The following SESTD1 variants were observed in gnomAD, a reference collection of about 807,000 sequenced individuals.
SESTD1 encodes the protein SEC14 and spectrin domain containing 1, also known as SEC14 domain and spectrin repeat-containing protein 1.
A neutral mutation model predicts 101.7 loss-of-function variants in SESTD1; 43 were observed. That is an observed-to-expected ratio of 0.42 (90% CI 0.33 to 0.55). The LOEUF (loss-of-function observed/expected upper bound fraction) is 0.55. SESTD1 is among the 20% of genes least tolerant of loss of function. The pLI, the probability that SESTD1 is intolerant of heterozygous loss-of-function variation, is 0.07. For synonymous variants in SESTD1, 283 were observed against 286.8 expected (o/e 0.99, Z 0.13); for missense variants, 647 against 815.1 (o/e 0.79, Z 2.51).
chr2:179,261,048 C>A (rs2105563630), intron 1 of SESTD1, among the ~76,000 whole-genome samples: 1 of 152,294 alleles, frequency 6.6e-6, no homozygotes, highest in East Asian at 1.9e-4. Context: ...TATACACATA[C>A]ATACTATTCA....
intron 2 of SESTD1, among the ~76,000 whole-genome samples, chr2:179,187,080 A>G (rs1247695378): frequency 6.6e-6 from 1 of 152,214 alleles, no homozygotes; most frequent in Non-Finnish European, 1.5e-5. Context: ...TTCCAAAGGG[A>G]ATTCATTACC....
chr2:179,226,399 C>T (rs922802769), intron 1 of SESTD1, among the ~76,000 whole-genome samples: 2 of 152,324 alleles, frequency 1.3e-5, no homozygotes, highest in Non-Finnish European at 2.9e-5. Context: ...GCAATGGAGA[C>T]ATTTATTCCT....
chr2:179,115,013 A>G, intron 16 of SESTD1, 52 bp downstream of exon 16: 1 of 1,459,966 alleles, frequency 6.8e-7, no homozygotes, highest in Non-Finnish European at 9.4e-7. Context: ...ACATATTTTA[A>G]ACACATATAA....
rs868602568 is a variant in SESTD1 at position 179,227,492 on chromosome 2, G to A, written c.-25-35626C>T. Among the ~76,000 whole-genome samples the A allele has an allele frequency of 2.5e-4, 38 of 152,144 alleles. 1 individual carries two copies. The highest frequency in any genetic ancestry group is 2.4e-3 in the Admixed American group (36 of 15,258). ...TTGCTAGCAAGTATTTCTAAGAATTGAGGTAACAAAATTTTTGCCATCCAC... is the reference window on the plus strand; with the variant it reads ...TTGCTAGCAAGTATTTCTAAGAATTAAGGTAACAAAATTTTTGCCATCCAC... On this transcript the variant is annotated intron_variant, in intron 1 of 17. Transcript: ENST00000428443.
At chr2:179,219,514 T>C (rs1430605632) in intron 1 of SESTD1, among the ~76,000 whole-genome samples, 1 of 152,222 alleles carries the variant, frequency 6.6e-6, no homozygotes, top group South Asian at 2.1e-4. Flanking sequence ...AGAAATACTA[T>C]AGTTATAACT....
intron 2 of SESTD1, among the ~76,000 whole-genome samples, chr2:179,191,068 T>C (rs1390419351): frequency 6.6e-6 from 1 of 152,212 alleles, no homozygotes; most frequent in Non-Finnish European, 1.5e-5. Flanking sequence ...AGCAATCCCA[T>C]TACTGTGTAT....
chr2:179,246,893 CTTG>C (rs1261259245), intron 1 of SESTD1, among the ~76,000 whole-genome samples: 1 of 152,138 alleles, frequency 6.6e-6, no homozygotes, highest in Non-Finnish European at 1.5e-5. Context: ...ATGGTAAAAA[CTTG>C]TTGGAAAGAT....
intron 1 of SESTD1, among the ~76,000 whole-genome samples, chr2:179,223,333 A>C (rs2046839896): frequency 6.6e-6 from 1 of 152,116 alleles, no homozygotes; most frequent in Non-Finnish European, 1.5e-5. Flanking sequence ...GGGGTGATGG[A>C]AATACTGTAA....
At chr2:179,178,354 G>A (rs2046047204) in intron 3 of SESTD1, among the ~76,000 whole-genome samples, 1 of 152,166 alleles carries the variant, frequency 6.6e-6, no homozygotes, top group Non-Finnish European at 1.5e-5. Context: ...GAGGGGGCTA[G>A]GCGTGGTGCC....
intron 1 of SESTD1, among the ~76,000 whole-genome samples, chr2:179,244,103 A>G (rs1427204791): frequency 6.6e-6 from 1 of 151,800 alleles, no homozygotes; most frequent in Non-Finnish European, 1.5e-5. Flanking sequence ...AGCCTGGGTG[A>G]CAGTACAAGA....
At chr2:179,165,066 T>G (rs563934342) in intron 5 of SESTD1, among the ~76,000 whole-genome samples, 1 of 152,262 alleles carries the variant, frequency 6.6e-6, no homozygotes, top group Admixed American at 6.5e-5. Context: ...GAGCTCTAAG[T>G]CTCATTTAAT....
intron 1 of SESTD1, among the ~76,000 whole-genome samples, chr2:179,201,373 C>T (rs2046508982): frequency 1.6e-5 from 2 of 125,888 alleles, no homozygotes; most frequent in Admixed American, 7.5e-5. Context: ...GGCGATTCCT[C>T]AGGGATCTAG....
intron 3 of SESTD1, among the ~76,000 whole-genome samples, chr2:179,181,190 C>T (rs2046101562): frequency 6.6e-6 from 1 of 152,070 alleles, no homozygotes; most frequent in African/African-American, 2.4e-5. Flanking sequence ...ACTGTACTTC[C>T]TGCTTATCCA....
Position 179,209,884 on chromosome 2 carries a change from AAAC to A in SESTD1, c.-25-18021_-25-18019del, listed in dbSNP as rs1041644094. Among the ~76,000 whole-genome samples the A allele has an allele frequency of 5.9e-5, 8 of 134,764 alleles. 2 individuals are homozygous for A. The highest frequency in any genetic ancestry group is 2.3e-4 in the African/African-American group (8 of 34,330). The allele number at this position is 134,764 out of a possible 152,430, so 88.4% of individuals were successfully genotyped here. Reference sequence around the variant, plus strand: ...ATCAGAGCAGAACTAAATGAAACTGAAACAACAACAAAAAAAGATAAATGAAAA... The same window carrying A: ...ATCAGAGCAGAACTAAATGAAACTGAAACAACAAAAAAAGATAAATGAAAA... On this transcript the variant is annotated intron_variant, in intron 1 of 17. Coordinates refer to ENST00000428443, the MANE Select transcript of SESTD1 (RefSeq NM_178123.5).
intron 1 of SESTD1, among the ~76,000 whole-genome samples, chr2:179,204,247 G>T (rs184776527): frequency 7.4e-6 from 1 of 134,596 alleles, no homozygotes; most frequent in South Asian, 2.9e-4. Context: ...CCTACTCCAC[G>T]TCTTGAGCTG....
At chr2:179,178,324 A>C (rs1460182709) in intron 3 of SESTD1, among the ~76,000 whole-genome samples, 1 of 152,156 alleles carries the variant, frequency 6.6e-6, no homozygotes, top group Non-Finnish European at 1.5e-5. Flanking sequence ...GGGTTAGCAA[A>C]AGAAAATAAA....
chr2:179,164,838 G>A (rs1215028411), intron 5 of SESTD1, among the ~76,000 whole-genome samples: 3 of 152,172 alleles, frequency 2.0e-5, no homozygotes, highest in Non-Finnish European at 4.4e-5. Context: ...GAGCATTGTG[G>A]ACAGCTGGTA....
intron 9 of SESTD1, among the ~76,000 whole-genome samples, chr2:179,134,601 A>T (rs1245996435): frequency 6.6e-6 from 1 of 152,118 alleles, no homozygotes; most frequent in African/African-American, 2.4e-5. Flanking sequence ...GTTATATATA[A>T]TGTTTTTTTT....
intron 1 of SESTD1, among the ~76,000 whole-genome samples, chr2:179,236,376 A>G (rs898233450): frequency 1.3e-5 from 2 of 149,990 alleles, no homozygotes; most frequent in Non-Finnish European, 3.0e-5. Context: ...ACATGTCTAC[A>G]GCCCTAGCTA....
Sources: gnomAD v4.1 joint callset for allele counts (sites outside exome capture counted in the v4.1 genomes callset) on GRCh38, gnomAD v4.1.1 for gene constraint, MANE v1.5 for transcripts, NCBI Gene and HGNC (gene_info 2026-07-23, HGNC 2026-07-21) for gene names.